CNIH1: variants seen among roughly 807,000 people sequenced by gnomAD.
CNIH1 encodes the protein protein cornichon homolog 1.
A neutral mutation model predicts 20.2 loss-of-function variants in CNIH1; 12 were observed. The observed-to-expected ratio is 0.59, with a 90% CI of 0.38 to 0.96. The LOEUF (loss-of-function observed/expected upper bound fraction) is 0.96. Among genes scored for constraint, CNIH1 ranks in the 40% least tolerant of loss-of-function variants. The pLI, the probability that CNIH1 is intolerant of heterozygous loss-of-function variation, is 0.00. For missense variants in CNIH1, 152 were observed against 178.8 expected, an observed-to-expected ratio of 0.85 and a Z score of 0.85; for synonymous variants, 69 against 63.3, an observed-to-expected ratio of 1.09 and a Z score of -0.43.
chr14:54,436,259 A>C, intron 2 of CNIH1, 110 bp downstream of exon 2: 2 of 742,236 alleles, frequency 2.7e-6, no homozygotes, highest in South Asian at 2.9e-5. Context: ...CCTACTTCAA[A>C]AAGTACAAAT....
chr14:54,435,526 C>G (rs1398926577), intron 2 of CNIH1, among the ~76,000 whole-genome samples: 1 of 152,080 alleles, frequency 6.6e-6, no homozygotes, highest in African/African-American at 2.4e-5. Flanking sequence ...CTAGAAATAA[C>G]CACATAGACA....
chr14:54,436,000 C>T (rs918787552), intron 2 of CNIH1: 8 of 686,536 alleles, frequency 1.2e-5, no homozygotes, highest in African/African-American at 5.3e-5. Context: ...CTGAACAAAA[C>T]GTTACAAATA....
chr14:54,432,212 G>A lies in CNIH1; in HGVS notation c.159C>T (p.Leu53=), dbSNP rs759920715. ...DQCNTLNPLV[L]PEYLIHAFFC... is the part of the protein sequence containing the mutation. ...AGAAAGCGTGGATGAGGTACTCTGG[G>A]AGTACAAGCTGGAAGGAAAACACAA... Residue 53 remains leucine (L), a synonymous_variant, in exon 3 of 5, where the codon CTC becomes CTT. Coordinates refer to ENST00000216416, the MANE Select transcript of CNIH1 (RefSeq NM_005776.3). 1.3e-6 allele frequency: 2 copies of A among 1,537,554 alleles called. No individual in the cohort carries two copies.
chr14:54,431,951 T>C (rs2030956362), intron 3 of CNIH1, among the ~76,000 whole-genome samples, 157 bp downstream of exon 3: 1 of 152,218 alleles, frequency 6.6e-6, no homozygotes, highest in Non-Finnish European at 1.5e-5. Context: ...TATGAGGTAT[T>C]GAAATAGTTT....
intron 4 of CNIH1, among the ~76,000 whole-genome samples, chr14:54,428,633 T>A (rs2030872914): frequency 6.6e-6 from 1 of 152,218 alleles, no homozygotes; most frequent in Non-Finnish European, 1.5e-5. Flanking sequence ...ATTTCATTTC[T>A]TTCATTCAAC....
chr14:54,436,627 TTATCTCAG>T (rs2031058869), intron 1 of CNIH1, 190 bp from the exon 2 acceptor site: 1 of 583,834 alleles, frequency 1.7e-6, no homozygotes, highest in East Asian at 2.9e-5. Context: ...GAAAACACTC[TTATCTCAG>T]TATCACTAAA....
At chr14:54,434,231 A>C (rs1231627015) in intron 2 of CNIH1, among the ~76,000 whole-genome samples, 1 of 152,232 alleles carries the variant, frequency 6.6e-6, no homozygotes, top group Non-Finnish European at 1.5e-5. Context: ...TCAGCCAATT[A>C]TTGGCACCCT....
At position 54,440,980 on chromosome 14, in the gene CNIH1, G is replaced by A. The variant is rs1200230066; in HGVS notation, c.81+267C>T. Among the ~76,000 whole-genome samples, 3 of 151,934 alleles carry A rather than the reference G, an allele frequency of 2.0e-5. No homozygotes were observed. The East Asian group carries it at 5.8e-4, about 29-fold the overall frequency. On this transcript the variant is annotated intron_variant, in intron 1 of 4. Transcript: ENST00000216416. ...GCGCGGAACCGCGGGCGCCCGCCTG[G>A]ACCGCGGCCGCCCCATCCAGTAGGG...
intron 2 of CNIH1, among the ~76,000 whole-genome samples, chr14:54,432,483 CAG>C (rs1236161666): frequency 1.3e-5 from 2 of 152,120 alleles, no homozygotes; most frequent in Non-Finnish European, 2.9e-5. Flanking sequence ...CTTAGAGAAA[CAG>C]ATCAAATTAT....
chr14:54,440,943 G>A (rs1490091430), intron 1 of CNIH1, among the ~76,000 whole-genome samples: 2 of 151,768 alleles, frequency 1.3e-5, no homozygotes, highest in Non-Finnish European at 3.0e-5. Context: ...GGCAGAGGTC[G>A]GTGCGAACGC....
At chr14:54,435,440 C>T (rs201645008) in intron 2 of CNIH1, among the ~76,000 whole-genome samples, 5 of 152,166 alleles carry the variant, frequency 3.3e-5, no homozygotes, top group East Asian at 1.9e-4. Context: ...AATGGAGCTA[C>T]ATTATCACTA....
At chr14:54,428,503 G>T (rs116063097) in intron 4 of CNIH1, among the ~76,000 whole-genome samples, 61 of 152,344 alleles carry the variant, frequency 4.0e-4, no homozygotes, top group African/African-American at 1.5e-3. Context: ...GAAATACAAA[G>T]GAGTTGAACA....
At chr14:54,431,839 C>T (rs1242638057) in intron 3 of CNIH1, among the ~76,000 whole-genome samples, 1 of 151,912 alleles carries the variant, frequency 6.6e-6, no homozygotes, top group Non-Finnish European at 1.5e-5. Context: ...CAGGTGTATA[C>T]GTATGTAAAA....
At chr14:54,433,959 C>T (rs750043954) in intron 2 of CNIH1, among the ~76,000 whole-genome samples, 18 of 152,004 alleles carry the variant, frequency 1.2e-4, no homozygotes, top group Non-Finnish European at 2.1e-4. Context: ...CAACCCTCTC[C>T]GAGCATTCTT....
At chr14:54,436,179 A>C in intron 2 of CNIH1, 190 bp downstream of exon 2, 1 of 706,500 alleles carries the variant, frequency 1.4e-6, no homozygotes. Flanking sequence ...ATGACAGCTG[A>C]CAAGATCACC....
intron 3 of CNIH1, among the ~76,000 whole-genome samples, chr14:54,431,422 G>A (rs997710289): frequency 2.2e-4 from 34 of 152,046 alleles, no homozygotes; most frequent in Admixed American, 2.6e-4. Context: ...CACTGCGCCC[G>A]GCCAAGTACA....
intron 4 of CNIH1, among the ~76,000 whole-genome samples, chr14:54,428,486 C>A (rs2030870117): frequency 6.6e-6 from 1 of 152,194 alleles, no homozygotes; most frequent in Non-Finnish European, 1.5e-5. Context: ...GCACATAACT[C>A]TAAACAGAAA....
At chr14:54,434,901 AC>A (rs1407785152) in intron 2 of CNIH1, among the ~76,000 whole-genome samples, 1 of 152,214 alleles carries the variant, frequency 6.6e-6, no homozygotes, top group Admixed American at 6.5e-5. Flanking sequence ...TTTTAATTGT[AC>A]CTACATCAAC....
In CNIH1 at chr14:54,437,782, G is replaced by C. The variant is rs73257059; in HGVS notation, c.82-1345C>G. ...GTGTAATTAGAAAATACTAATTTCT[G>C]ATTACTTATGGACGTTATTAGTCTG... is the stretch of plus-strand genomic sequence containing the variant. On this transcript the variant is annotated intron_variant, in intron 1 of 4. Coordinates refer to ENST00000216416, the MANE Select transcript of CNIH1 (RefSeq NM_005776.3). 1.5e-3 allele frequency among the ~76,000 whole-genome samples: 234 copies of C among 152,114 alleles called. 1 individual carries two copies. The highest frequency in any genetic ancestry group is 5.2e-3 in the African/African-American group (217 of 41,494).
Sources: allele counts gnomAD v4.1 joint callset (sites outside exome capture counted in the v4.1 genomes callset), GRCh38; gene constraint gnomAD v4.1.1; transcripts MANE v1.5; gene names NCBI Gene and HGNC (gene_info 2026-07-23, HGNC 2026-07-21).